Variants in JARID2 observed in about 807,000 individuals in gnomAD.
JARID2 encodes protein Jumonji.
Under a neutral mutation model 125.6 loss-of-function variants are expected in JARID2, and 21 were observed. The observed-to-expected ratio is 0.17, with a 90% CI of 0.12 to 0.24. The LOEUF (loss-of-function observed/expected upper bound fraction) is 0.24. Among genes scored for constraint, JARID2 ranks in the 10% least tolerant of loss-of-function variants. JARID2 has a pLI of 1.00. For missense variants in JARID2, 1,303 were observed against 1,639.6 expected (o/e 0.79, Z 3.55); for synonymous variants, 736 against 661.6 (o/e 1.11, Z -1.73).
At chr6:15,494,335 C>G (rs530847954) in intron 6 of JARID2, among the ~76,000 whole-genome samples, 1 of 151,224 alleles carries the variant, frequency 6.6e-6, no homozygotes, top group Non-Finnish European at 1.5e-5. Context: ...GACACTCTGC[C>G]GGTAGGGCCC....
chr6:15,429,032 A>C (rs1173708053), intron 3 of JARID2, among the ~76,000 whole-genome samples: 1 of 151,458 alleles, frequency 6.6e-6, no homozygotes, highest in Admixed American at 6.6e-5. Context: ...ATTGGTTGAA[A>C]GCAACATCAT....
At chr6:15,256,979 G>A (rs1715991250) in intron 1 of JARID2, among the ~76,000 whole-genome samples, 1 of 152,142 alleles carries the variant, frequency 6.6e-6, no homozygotes, top group Non-Finnish European at 1.5e-5. Context: ...AGACTTAACT[G>A]ATCACAATTT....
chr6:15,370,003 T>C (rs533641503), intron 1 of JARID2, among the ~76,000 whole-genome samples: 1 of 151,772 alleles, frequency 6.6e-6, no homozygotes, highest in Non-Finnish European at 1.5e-5. Context: ...CTGTGGGGAG[T>C]GTTTTATGAG....
At chr6:15,400,587 T>G (rs1765387699) in intron 2 of JARID2, among the ~76,000 whole-genome samples, 1 of 152,076 alleles carries the variant, frequency 6.6e-6, no homozygotes, top group Non-Finnish European at 1.5e-5. Context: ...AGAAATTCTA[T>G]ACTTCGGATT....
At chr6:15,395,986 T>A (rs542025901) in intron 2 of JARID2, among the ~76,000 whole-genome samples, 14 of 152,222 alleles carry the variant, frequency 9.2e-5, no homozygotes, top group Non-Finnish European at 1.2e-4. Context: ...TATACAGTTT[T>A]CCTTTCTTCA....
chr6:15,273,122 T>A (rs1245206758), intron 1 of JARID2, among the ~76,000 whole-genome samples: 1 of 152,186 alleles, frequency 6.6e-6, no homozygotes, highest in Non-Finnish European at 1.5e-5. Flanking sequence ...TTTTACGTGC[T>A]AAGTTTCCTC....
At chr6:15,458,383 G>A (rs1768287465) in intron 4 of JARID2, among the ~76,000 whole-genome samples, 1 of 152,140 alleles carries the variant, frequency 6.6e-6, no homozygotes, top group African/African-American at 2.4e-5. Context: ...ACAGTTCAGC[G>A]TCACGGCTCG....
At position 15,496,469 on chromosome 6, in the gene JARID2, C is replaced by G. The variant is rs755198929; in HGVS notation, c.1244C>G (p.Pro415Arg). 1 of 1,613,228 alleles carries G rather than the reference C, an allele frequency of 6.2e-7. No homozygotes were observed. Among genetic ancestry groups the G allele is most frequent in the Non-Finnish European group, 8.5e-7 (1 of 1,179,718 alleles). Residue 415 changes from proline (P) to arginine (R), a missense_variant, in exon 7 of 18, where the codon CCA becomes CGA. Around this residue, in one of 11 missense-constraint regions of JARID2, gnomAD observed 651 missense variants for 581.6 expected, o/e 1.12. Coordinates refer to ENST00000341776, the MANE Select transcript of JARID2 (RefSeq NM_004973.4). ...NGLKVSGRLN[P>R]KSCTKEVGGR... ...CTCAAGGTCAGTGGCAGGTTGAACC[C>G]AAAGTCATGCACTAAGGAGGTGGGG...
chr6:15,521,930 G>A lies in JARID2; in HGVS notation c.*1679G>A, dbSNP rs946224748. The A allele has an allele frequency of 4.6e-5, 7 of 152,142 alleles. No individual in the cohort carries two copies. Among genetic ancestry groups the A allele is most frequent in the Non-Finnish European group, 1.0e-4 (7 of 68,032 alleles). 9.4% of individuals were successfully genotyped at this position (152,142 alleles called of 1,614,324 possible). A position where few individuals can be genotyped will look rare whatever the true frequency, so the allele number is the denominator to read the frequency against. On this transcript the variant is annotated 3_prime_UTR_variant, in exon 18 of 18. Coordinates refer to ENST00000341776, the MANE Select transcript of JARID2 (RefSeq NM_004973.4). ...TAGCGCTGCTCTGCACCCCTCCCTT[G>A]GGAGGGAGACTTCATGTGGTTTATT... is the stretch of plus-strand genomic sequence containing the variant.
intron 5 of JARID2, among the ~76,000 whole-genome samples, chr6:15,473,714 A>G (rs889554660): frequency 6.6e-6 from 1 of 152,144 alleles, no homozygotes; most frequent in Non-Finnish European, 1.5e-5. Context: ...ATGAAAAGAA[A>G]AAATCCCCAC....
At chr6:15,517,416 A>C in intron 17 of JARID2, 148 bp downstream of exon 17, 1 of 622,344 alleles carries the variant, frequency 1.6e-6, no homozygotes, top group Non-Finnish European at 2.9e-6. Context: ...TTAGGCCCTA[A>C]ACCCATTCAG....
intron 1 of JARID2, chr6:15,248,951 G>T (rs1759320913): frequency 1.0e-6 from 1 of 985,522 alleles, no homozygotes. Flanking sequence ...CCGGAGCGTC[G>T]CGCTTCCCAC....
At chr6:15,308,293 G>T (rs1309776498) in intron 1 of JARID2, among the ~76,000 whole-genome samples, 2 of 152,138 alleles carry the variant, frequency 1.3e-5, no homozygotes, top group Non-Finnish European at 2.9e-5. Context: ...GAAGGTGGGC[G>T]ATTTGAAAGT....
At chr6:15,390,643 G>A (rs1431616135) in intron 2 of JARID2, among the ~76,000 whole-genome samples, 2 of 152,178 alleles carry the variant, frequency 1.3e-5, no homozygotes, top group Non-Finnish European at 2.9e-5. Flanking sequence ...GGTCATCTCT[G>A]GGAACGCAAG....
At chr6:15,261,318 T>C (rs1265722101) in intron 1 of JARID2, among the ~76,000 whole-genome samples, 3 of 98,400 alleles carry the variant, frequency 3.0e-5, no homozygotes, top group Admixed American at 1.0e-4. Flanking sequence ...CTTCTTTTTT[T>C]TTTTTTTTTT....
chr6:15,306,769 A>G (rs1761842317), intron 1 of JARID2, among the ~76,000 whole-genome samples: 1 of 151,768 alleles, frequency 6.6e-6, no homozygotes, highest in Non-Finnish European at 1.5e-5. Context: ...GTTAAAACCT[A>G]GGAGTAAAAC....
At chr6:15,450,039 A>T (rs79391947) in intron 3 of JARID2, among the ~76,000 whole-genome samples, 929 of 62,740 alleles carry the variant, frequency 0.015, 13 homozygotes, top group African/African-American at 0.056. Flanking sequence ...AAATAGTATA[A>T]TTTTTTTTTA....
Position 15,384,074 on chromosome 6 carries a change from G to A in JARID2, c.181+9822G>A, listed in dbSNP as rs184980940. 5.1e-3 allele frequency among the ~76,000 whole-genome samples: 774 copies of A among 152,286 alleles called. 5 individuals are homozygous for A. Among genetic ancestry groups the A allele is most frequent in the African/African-American group, 0.018 (736 of 41,548 alleles). On this transcript the variant is annotated intron_variant, in intron 2 of 17. Coordinates refer to ENST00000341776, the MANE Select transcript of JARID2 (RefSeq NM_004973.4). ...CTCCCAAAGTGCTGGGATTATAGGC[G>A]TGAGCCACCGTGCCCAACCTATTTT...
At chr6:15,323,188 G>C (rs996748060) in intron 1 of JARID2, among the ~76,000 whole-genome samples, 1 of 152,246 alleles carries the variant, frequency 6.6e-6, no homozygotes, top group African/African-American at 2.4e-5. Flanking sequence ...TGCTTGCCAG[G>C]CAGGCAGGCA....
Sources: gnomAD v4.1 joint callset for allele counts (sites outside exome capture counted in the v4.1 genomes callset) on GRCh38, gnomAD v4.1.1 for gene constraint, gnomAD v4.1.1 regional missense constraint, MANE v1.5 for transcripts, NCBI Gene and HGNC (gene_info 2026-07-23, HGNC 2026-07-21) for gene names.